PKD2L2: variants seen among roughly 807,000 people sequenced by gnomAD.
PKD2L2 encodes the protein polycystin 2 like 2, transient receptor potential cation channel, also known as polycystin-2-like protein 2.
A neutral mutation model predicts 83.9 loss-of-function variants in PKD2L2; 67 were observed. The observed-to-expected ratio is 0.80, with a 90% confidence interval of 0.66 to 0.98. The LOEUF is 0.98. Ranked by LOEUF, PKD2L2 falls within the 50% of genes least tolerant of loss-of-function variation. The pLI, the probability that PKD2L2 is intolerant of heterozygous loss-of-function variation, is 0.00. For missense variants in PKD2L2, 632 were observed against 717.2 expected (o/e 0.88, Z 1.36); for synonymous variants, 223 against 237.8 (o/e 0.94, Z 0.57).
At chr5:137,900,964 C>G (rs1756901921) in intron 5 of PKD2L2, among the ~76,000 whole-genome samples, 1 of 151,956 alleles carries the variant, frequency 6.6e-6, no homozygotes, top group Non-Finnish European at 1.5e-5. Context: ...ATGGAGGAAT[C>G]CCATCTCTAA....
At position 137,890,487 on chromosome 5, in the gene PKD2L2, C is replaced by T. The variant is rs1383289933; in HGVS notation, c.38C>T (p.Ser13Leu). The T allele has an allele frequency of 2.6e-6, 4 of 1,565,020 alleles. No individual in the cohort carries two copies. Among genetic ancestry groups the T allele is most frequent in the Non-Finnish European group, 3.5e-6 (4 of 1,152,274 alleles). Residue 13 changes from serine to leucine, a missense_variant, in exon 2 of 15, where the codon TCG (serine) becomes TTG (leucine). Physicochemically the swap from Ser to Leu is moderately radical, Grantham distance 145 (BLOSUM62 -2). Around this residue, in one of 3 missense-constraint regions of PKD2L2, gnomAD observed 229 missense variants for 281.5 expected, o/e 0.81. Transcript: ENST00000508883. ...EASRWHRGGA[S>L]KHKLHYRKEV... ...TTTGTCTTATATCTCACAGGGGCTT[C>T]GAAACATAAGTTGCATTACAGAAAG...
intron 8 of PKD2L2, among the ~76,000 whole-genome samples, chr5:137,910,548 G>A (rs1199756571): frequency 6.6e-6 from 1 of 151,828 alleles, no homozygotes; most frequent in African/African-American, 2.4e-5. Context: ...CGAGGCGGGT[G>A]GATCACCTGA....
intron 5 of PKD2L2, among the ~76,000 whole-genome samples, chr5:137,905,444 G>T (rs972162153): frequency 2.6e-5 from 4 of 152,052 alleles, no homozygotes; most frequent in Admixed American, 2.0e-4. Context: ...GTTAACTGAG[G>T]TTTTGTTTTT....
At chr5:137,907,635 C>G (rs540416950) in intron 6 of PKD2L2, 107 bp from the exon 7 acceptor site, 23 of 550,710 alleles carry the variant, frequency 4.2e-5, no homozygotes, top group African/African-American at 3.8e-4. Flanking sequence ...CTTTCCTTCC[C>G]TCTTTGTTAA....
At chr5:137,891,815 C>T (rs1756012957) in intron 2 of PKD2L2, among the ~76,000 whole-genome samples, 1 of 151,986 alleles carries the variant, frequency 6.6e-6, no homozygotes, top group Non-Finnish European at 1.5e-5. Flanking sequence ...TCCGGAGTAG[C>T]TGGGATTACA....
chr5:137,927,008 G>A (rs879431345), intron 12 of PKD2L2, among the ~76,000 whole-genome samples: 1 of 152,152 alleles, frequency 6.6e-6, no homozygotes, highest in African/African-American at 2.4e-5. Flanking sequence ...CTCAAAGAAT[G>A]ATGGAGTATC....
At chr5:137,928,192 G>T (rs957554371) in intron 12 of PKD2L2, among the ~76,000 whole-genome samples, 1 of 152,106 alleles carries the variant, frequency 6.6e-6, no homozygotes, top group African/African-American at 2.4e-5. Context: ...AAACATGCCT[G>T]AAGTCAGGAA....
intron 14 of PKD2L2, among the ~76,000 whole-genome samples, chr5:137,941,534 A>C (rs1581031043): frequency 6.6e-6 from 1 of 152,340 alleles, no homozygotes; most frequent in East Asian, 1.9e-4. Flanking sequence ...GGAAACGGGC[A>C]ACCTCAACAC....
intron 12 of PKD2L2, among the ~76,000 whole-genome samples, chr5:137,932,976 G>C (rs1014796896): frequency 2.0e-5 from 3 of 150,300 alleles, no homozygotes; most frequent in Admixed American, 6.7e-5. Context: ...GCTACAGCTA[G>C]AGCCACTGTT....
chr5:137,896,660 C>T (rs1756492529), intron 4 of PKD2L2, among the ~76,000 whole-genome samples: 2 of 152,088 alleles, frequency 1.3e-5, no homozygotes, highest in Non-Finnish European at 2.9e-5. Context: ...AATCCTCCTG[C>T]CTTGCTCTCC....
intron 5 of PKD2L2, among the ~76,000 whole-genome samples, chr5:137,901,513 A>G (rs566248012): frequency 2.0e-5 from 3 of 152,320 alleles, no homozygotes; most frequent in African/African-American, 2.4e-5. Flanking sequence ...TTTTGTGCAA[A>G]TGAAGTCAGG....
intron 12 of PKD2L2, 44 bp from the exon 13 acceptor site, chr5:137,935,753 G>A (rs1561711291): frequency 1.0e-6 from 1 of 995,502 alleles, no homozygotes; most frequent in South Asian, 1.4e-5. Context: ...ACTTGAAATA[G>A]AGAACTAAAG....
chr5:137,908,326 G>A (rs1258993843), intron 7 of PKD2L2, among the ~76,000 whole-genome samples: 2 of 151,974 alleles, frequency 1.3e-5, no homozygotes, highest in African/African-American at 4.8e-5. Flanking sequence ...GGTGGCTCAC[G>A]CCTGTAATCC....
chr5:137,941,805 T>C, intron 14 of PKD2L2: 1 of 672,128 alleles, frequency 1.5e-6, no homozygotes, highest in Non-Finnish European at 2.6e-6. Flanking sequence ...CCTCAGAGCA[T>C]AAAGGAATGT....
intron 4 of PKD2L2, among the ~76,000 whole-genome samples, chr5:137,898,958 C>T (rs1190138067): frequency 6.6e-6 from 1 of 152,124 alleles, no homozygotes; most frequent in African/African-American, 2.4e-5. Flanking sequence ...TGGTGTTGCC[C>T]ACCATATGCA....
In PKD2L2 at chr5:137,899,549, T is replaced by C; in HGVS notation, c.558T>C (p.Pro186=). ...WRYSTSNTNS[P]WHWGFLGVYR... ...ATTCTACTTCTAATACCAACTCCCC[T>C]TGGCACTGGGGATTTCTTGGTGTTT... The change falls in exon 5 of 15, where the codon CCT becomes CCC. Residue 186 remains proline, a synonymous_variant. Transcript: ENST00000508883. 6.2e-7 allele frequency: 1 copy of C among 1,610,948 alleles called. No individual in the cohort carries two copies. The highest frequency in any genetic ancestry group is 8.5e-7 in the Non-Finnish European group (1 of 1,177,138).
At position 137,907,913 on chromosome 5, in the gene PKD2L2, G is replaced by A. The variant is rs1428502852; in HGVS notation, c.1146+1G>A. ...TACCATCTTTTTTGCATGGATAAAGGTATTTATATTTCATTATATTACATA... is the reference window on the plus strand; with the variant it reads ...TACCATCTTTTTTGCATGGATAAAGATATTTATATTTCATTATATTACATA... On this transcript the variant is annotated splice_donor_variant, in intron 7 of 14. Coordinates refer to ENST00000508883, the MANE Select transcript of PKD2L2 (RefSeq NM_001300921.2). LOFTEE classifies it high-confidence loss of function. The A allele has an allele frequency of 3.9e-6, 5 of 1,266,028 alleles. No individual in the cohort carries two copies. Among genetic ancestry groups the A allele is most frequent in the Non-Finnish European group, 4.4e-6 (4 of 900,982 alleles). The allele number at this position is 1,266,028 out of a possible 1,614,324, so 78.4% of individuals were successfully genotyped here.
intron 12 of PKD2L2, among the ~76,000 whole-genome samples, chr5:137,931,967 TAATAG>T (rs1759913777): frequency 6.6e-6 from 1 of 152,324 alleles, no homozygotes; most frequent in East Asian, 1.9e-4. Context: ...GTAAAAATTA[TAATAG>T]AAGACCTTAT....
chr5:137,940,991 C>T (rs926560682), intron 14 of PKD2L2, among the ~76,000 whole-genome samples: 13 of 152,178 alleles, frequency 8.5e-5, no homozygotes, highest in East Asian at 7.7e-4. Flanking sequence ...CTGCAAGCTC[C>T]GCCTCCCGGA....
Sources: allele counts gnomAD v4.1 joint callset (sites outside exome capture counted in the v4.1 genomes callset), GRCh38; gene constraint gnomAD v4.1.1; regional missense constraint gnomAD v4.1.1; transcripts MANE v1.5; gene names NCBI Gene and HGNC (gene_info 2026-07-23, HGNC 2026-07-21).